CP: variants seen among roughly 807,000 people sequenced by gnomAD.
The protein encoded by CP is caeruloplasmin.
CP carries 64 observed loss-of-function variants against 122.4 expected under a neutral mutation model. The ratio of observed to expected loss-of-function variants is 0.52; its 90% CI spans 0.43 to 0.64. CP has a LOEUF of 0.64. Among genes scored for constraint, CP ranks in the 30% least tolerant of loss-of-function variants. The pLI, the probability that CP is intolerant of heterozygous loss-of-function variation, is 0.00. For synonymous variants in CP, 440 were observed against 436.4 expected (o/e 1.01, Z -0.10); for missense variants, 1,167 against 1,284.4 (o/e 0.91, Z 1.40).
At chr3:149,206,395 T>C in intron 5 of CP, 56 bp from the exon 6 acceptor site, 1 of 1,598,800 alleles carries the variant, frequency 6.3e-7, no homozygotes, top group South Asian at 1.1e-5. Flanking sequence ...CTCTCTCCTA[T>C]TGCCCTGTAA....
chr3:149,184,025 CTT>C (rs1725972599), intron 12 of CP, among the ~76,000 whole-genome samples: 1 of 66,306 alleles, frequency 1.5e-5, no homozygotes, highest in Non-Finnish European at 3.4e-5. Context: ...TTTTCACTTA[CTT>C]CTTTTTTTTT....
chr3:149,207,553 T>A lies in CP; in HGVS notation c.846A>T (p.Lys282Asn). 1 of 1,613,966 alleles carries A rather than the reference T, an allele frequency of 6.2e-7. No individual in the cohort carries two copies. Among genetic ancestry groups the A allele is most frequent in the African/African-American group, 1.3e-5 (1 of 75,052 alleles). ...CATTACCCATACCAAAAAGGTACCATTTTACTCTGTCTTCAGCACACATGG... is the reference window on the plus strand; with the variant it reads ...CATTACCCATACCAAAAAGGTACCAATTTACTCTGTCTTCAGCACACATGG... ...GLSMCAEDRV[K>N]WYLFGMGNEV... The change falls in exon 5 of 19, where the codon AAA becomes AAT. Residue 282 changes from lysine (K) to asparagine (N), a missense_variant. Around this residue, in one of 2 missense-constraint regions of CP, gnomAD observed 642 missense variants for 627.3 expected, o/e 1.02. Transcript: ENST00000264613.
chr3:149,179,416 G>T lies in CP; in HGVS notation c.2661+140C>A, dbSNP rs968955585. 3.3e-5 allele frequency: 23 copies of T among 703,404 alleles called. No individual in the cohort carries two copies. In the African/African-American group the frequency reaches 3.7e-4, roughly 11 times the overall value. 43.6% of individuals were successfully genotyped at this position (703,404 alleles called of 1,614,324 possible). Reference sequence around the variant, plus strand: ...CTTGTGTGTCATAGGTAGCAGCATAGTTGCTAAAGTAGATTGCAAACAGTT... The same window carrying T: ...CTTGTGTGTCATAGGTAGCAGCATATTTGCTAAAGTAGATTGCAAACAGTT... On this transcript the variant is annotated intron_variant, in intron 15 of 18. Coordinates refer to ENST00000264613, the MANE Select transcript of CP (RefSeq NM_000096.4).
At chr3:149,168,843 CTGTT>C (rs1388067720), downstream of CP, among the ~76,000 whole-genome samples, 3 of 152,124 alleles carry the variant, frequency 2.0e-5, no homozygotes, top group Non-Finnish European at 4.4e-5. Flanking sequence ...TTATCACTGA[CTGTT>C]TGTGTTAGTG....
At position 149,198,505 on chromosome 3, in the gene CP, T is replaced by C. The variant is rs760634973; in HGVS notation, c.1575A>G (p.Val525=). Residue 525 remains valine (V), a synonymous_variant, in exon 9 of 19, where the codon GTA becomes GTG. Coordinates refer to ENST00000264613, the MANE Select transcript of CP (RefSeq NM_000096.4). ...FTYEWTVPKE[V]GPTNADPVCL... is the part of the protein sequence containing the mutation. ...ACACAGGATCTGCATTAGTGGGTCC[T>C]ACTTCTTTGGGGACAGTCCATTCAT... is the stretch of plus-strand genomic sequence containing the variant. 35 of 1,614,112 alleles carry C rather than the reference T, an allele frequency of 2.2e-5. No individual in the cohort carries two copies. Among genetic ancestry groups the C allele is most frequent in the Non-Finnish European group, 3.4e-6 (4 of 1,180,026 alleles).
Position 149,207,424 on chromosome 3 carries a change from A to ATAAG in CP, c.971_974dup (p.Met326LeufsTer34). On this transcript the variant is annotated frameshift_variant, in exon 5 of 19. Coordinates refer to ENST00000264613, the MANE Select transcript of CP (RefSeq NM_000096.4). LOFTEE classifies it high-confidence loss of function. ...ATTCTCCAGGGTTCTGGGCCACCAT[A>ATAAG]TAAGCATCAAACAGGGTAGCAGGAA... 6.2e-7 allele frequency: 1 copy of ATAAG among 1,614,010 alleles called. No homozygotes were observed. Among genetic ancestry groups the ATAAG allele is most frequent in the Non-Finnish European group, 8.5e-7 (1 of 1,179,878 alleles).
At chr3:149,183,650 A>G (rs1424465982) in intron 12 of CP, 45 bp from the exon 13 acceptor site, 1 of 1,359,302 alleles carries the variant, frequency 7.4e-7, no homozygotes, top group African/African-American at 1.5e-5. Flanking sequence ...CTTAATGAAA[A>G]TGTAACTTAA....
rs1339763521 is a variant in CP at position 149,172,532 on chromosome 3, GAAC to G, written c.*1179_*1181del. ...GGTGGGGATTGACTTTTATTCCAAG[GAAC>G]AACATCAGTTCACTGTTGTTGGAGA... On this transcript the variant is annotated 3_prime_UTR_variant, in exon 19 of 19. Transcript: ENST00000264613. The G allele has an allele frequency of 3.9e-6, 1 of 258,848 alleles. No homozygotes were observed. Among genetic ancestry groups the G allele is most frequent in the East Asian group, 8.7e-5 (1 of 11,534 alleles). 16.0% of individuals were successfully genotyped at this position (258,848 alleles called of 1,614,324 possible).
At position 149,186,721 on chromosome 3, in the gene CP, A is replaced by G; in HGVS notation, c.1876T>C (p.Phe626Leu). The G allele has an allele frequency of 6.2e-7, 1 of 1,614,004 alleles. No homozygotes were observed. Among genetic ancestry groups the G allele is most frequent in the Non-Finnish European group, 8.5e-7 (1 of 1,180,006 alleles). Residue 626 changes from phenylalanine (F) to leucine (L), a missense_variant, in exon 11 of 19, where the codon TTC becomes CTC. Phe to Leu is a conservative substitution (Grantham distance 22). This residue lies in a region of CP where 525 missense variants were observed against 657.2 expected (regional missense o/e 0.80). Transcript: ENST00000264613. The stretch of plus-strand genomic sequence containing the variant: ...AGACCCGGCTGATTCCCATACATGA[A>G]TCCATTCATGGCTGTAAAAGTTGGG... ...ESNKMHSMNG[F>L]MYGNQPGLTM...
At chr3:149,167,952 G>A (rs1470419588), downstream of CP, 16 of 1,598,100 alleles carry the variant, frequency 1.0e-5, no homozygotes, top group African/African-American at 2.7e-5. Context: ...GTGGTGGAGA[G>A]AAGTATCAAC....
chr3:149,192,796 A>T (rs1726629007), intron 9 of CP, among the ~76,000 whole-genome samples: 1 of 152,122 alleles, frequency 6.6e-6, no homozygotes, highest in South Asian at 2.1e-4. Flanking sequence ...AATAAACATT[A>T]TTAATTAAAC....
At chr3:149,170,115 G>T (rs936995509), downstream of CP, among the ~76,000 whole-genome samples, 8 of 152,152 alleles carry the variant, frequency 5.3e-5, no homozygotes, top group Admixed American at 2.6e-4. Flanking sequence ...ATTCTAGAAG[G>T]AATTAAAGAG....
intron 6 of CP, among the ~76,000 whole-genome samples, chr3:149,203,683 G>T (rs1466850099): frequency 6.6e-6 from 1 of 152,220 alleles, no homozygotes; most frequent in African/African-American, 2.4e-5. Flanking sequence ...CTTGCGCAAA[G>T]CCACCTCATT....
intron 1 of CP, among the ~76,000 whole-genome samples, chr3:149,213,224 C>A (rs914443976): frequency 4.6e-5 from 7 of 152,086 alleles, no homozygotes; most frequent in Non-Finnish European, 8.8e-5. Flanking sequence ...TTTCTTTTAA[C>A]AGCACTAAAT....
At chr3:149,177,284 G>A (rs554742068) in intron 17 of CP, among the ~76,000 whole-genome samples, 8 of 152,188 alleles carry the variant, frequency 5.3e-5, no homozygotes, top group South Asian at 4.1e-4. Context: ...TAGCAATTCC[G>A]CTCAGTTGCC....
At chr3:149,180,708 C>A (rs1308244725) in intron 14 of CP, among the ~76,000 whole-genome samples, 1 of 152,200 alleles carries the variant, frequency 6.6e-6, no homozygotes, top group South Asian at 2.1e-4. Flanking sequence ...CAGAAAATTT[C>A]ACTAGAATAT....
chr3:149,214,982 A>G (rs1461309297), intron 1 of CP, among the ~76,000 whole-genome samples: 1 of 152,216 alleles, frequency 6.6e-6, no homozygotes, highest in Non-Finnish European at 1.5e-5. Flanking sequence ...CCCTGGACCA[A>G]TCAATCTCAC....
chr3:149,218,676 T>C (rs1045274269), intron 1 of CP, among the ~76,000 whole-genome samples: 4 of 152,240 alleles, frequency 2.6e-5, no homozygotes, highest in Non-Finnish European at 5.9e-5. Context: ...CAATACAGTC[T>C]ATGATTTTTC....
At chr3:149,215,403 G>T (rs1316333621) in intron 1 of CP, among the ~76,000 whole-genome samples, 2 of 152,000 alleles carry the variant, frequency 1.3e-5, no homozygotes, top group East Asian at 1.9e-4. Flanking sequence ...AAAGTTTTTT[G>T]GGGGGGTTAA....
Sources: gnomAD v4.1 joint callset for allele counts (sites outside exome capture counted in the v4.1 genomes callset) on GRCh38, gnomAD v4.1.1 for gene constraint, gnomAD v4.1.1 regional missense constraint, MANE v1.5 for transcripts, NCBI Gene and HGNC (gene_info 2026-07-23, HGNC 2026-07-21) for gene names.